Variants in DHTKD1 observed in about 807,000 individuals in gnomAD.
The protein encoded by DHTKD1 is dehydrogenase E1 and transketolase domain containing 1.
A neutral mutation model predicts 101.8 loss-of-function variants in DHTKD1; 78 were observed. That is an observed-to-expected ratio of 0.77 (90% CI 0.64 to 0.93). The LOEUF is 0.93. Among genes scored for constraint, DHTKD1 ranks in the 40% least tolerant of loss-of-function variants. DHTKD1 has a pLI of 0.00. For missense variants in DHTKD1, 1,223 were observed against 1,161.7 expected (o/e 1.05, Z -0.77); for synonymous variants, 462 against 450.3 (o/e 1.03, Z -0.33).
intron 1 of DHTKD1, among the ~76,000 whole-genome samples, chr10:12,079,485 T>C (rs896974070): frequency 4.0e-5 from 6 of 151,816 alleles, no homozygotes; most frequent in African/African-American, 1.5e-4. Context: ...CTGGCCAACA[T>C]AGTGAAACCC....
At chr10:12,106,168 C>T (rs905047661) in intron 10 of DHTKD1, 78 bp from the exon 11 acceptor site, 24 of 1,480,770 alleles carry the variant, frequency 1.6e-5, no homozygotes, top group Non-Finnish European at 2.3e-5. Context: ...GCACCACCTC[C>T]CTTCGATAAG....
At chr10:12,093,462 C>T (rs149540106) in intron 6 of DHTKD1, among the ~76,000 whole-genome samples, 195 of 152,330 alleles carry the variant, frequency 1.3e-3, no homozygotes, top group African/African-American at 4.0e-3. Flanking sequence ...AGATTACAGG[C>T]GTGAACCACT....
Position 12,087,578 on chromosome 10 carries a change from G to C in DHTKD1, c.566G>C (p.Arg189Pro). 2 of 1,612,770 alleles carry C rather than the reference G, an allele frequency of 1.2e-6. No individual in the cohort carries two copies. Among genetic ancestry groups the C allele is most frequent in the South Asian group, 1.1e-5 (1 of 90,866 alleles). ...FLATKFSTVK[R>P]YGGEGAESMM... ...GCCACCAAGTTCTCGACAGTGAAGCGATATGGAGGCGAAGGGGCTGAAAGC... is the reference window on the plus strand; with the variant it reads ...GCCACCAAGTTCTCGACAGTGAAGCCATATGGAGGCGAAGGGGCTGAAAGC... Residue 189 changes from arginine to proline, a missense_variant, in exon 4 of 17, where the codon CGA (arginine) becomes CCA (proline). Transcript: ENST00000263035. This position sits in a 1 kb window ranked among gnomAD's most constrained non-coding sequence, Gnocchi z 5.2.
chr10:12,120,478 C>T (rs113772161), intron 16 of DHTKD1: 5 of 519,666 alleles, frequency 9.6e-6, no homozygotes, highest in Non-Finnish European at 1.7e-5. Context: ...GGACTACAGG[C>T]GCCCGCCACC....
chr10:12,078,318 C>G (rs529476022), intron 1 of DHTKD1, among the ~76,000 whole-genome samples: 1 of 151,752 alleles, frequency 6.6e-6, no homozygotes, highest in Non-Finnish European at 1.5e-5. Flanking sequence ...CCAGCTACTC[C>G]GGAGACTGAG....
At chr10:12,091,010 C>G (rs11257531) in intron 5 of DHTKD1, among the ~76,000 whole-genome samples, 1 of 151,100 alleles carries the variant, frequency 6.6e-6, no homozygotes, top group South Asian at 2.1e-4. Context: ...GCCGAGATTG[C>G]GCCACCGCAC....
At chr10:12,091,971 A>ATTTT (rs754359053) in intron 6 of DHTKD1, among the ~76,000 whole-genome samples, 1 of 134,676 alleles carries the variant, frequency 7.4e-6, no homozygotes, top group Non-Finnish European at 1.6e-5. Flanking sequence ...TGTCTGGCTA[A>ATTTT]TTTTTTTTTT....
intron 10 of DHTKD1, among the ~76,000 whole-genome samples, chr10:12,105,604 G>A (rs117639786): frequency 6.0e-3 from 914 of 152,198 alleles, no homozygotes; most frequent in Non-Finnish European, 0.01. Flanking sequence ...ACCACGCCCG[G>A]CCACAGGTTT....
chr10:12,069,222 C>A, intron 1 of DHTKD1, 35 bp downstream of exon 1: 1 of 1,376,082 alleles, frequency 7.3e-7, no homozygotes, highest in South Asian at 1.3e-5. Context: ...GGAGCGGGGG[C>A]TGGGACGCAG....
Position 12,091,601 on chromosome 10 carries a change from G to A in DHTKD1, c.1076G>A (p.Ser359Asn), listed in dbSNP as rs1832990997. ...CTCCCACATTTCAGAATTGGTGGGA[G>A]TGTGCATTTGATTGTTAATAACCAG... ...SNLPHFRIGG[S>N]VHLIVNNQLG... Residue 359 changes from serine (S) to asparagine (N), a missense_variant, in exon 6 of 17, where the codon AGT becomes AAT. Physicochemically the swap from Ser to Asn is conservative, Grantham distance 46 (BLOSUM62 1). Coordinates refer to ENST00000263035, the MANE Select transcript of DHTKD1 (RefSeq NM_018706.7). The A allele has an allele frequency of 1.2e-6, 2 of 1,613,572 alleles. No homozygotes were observed. The highest frequency in any genetic ancestry group is 4.5e-5 in the East Asian group (2 of 44,876).
chr10:12,076,712 G>A (rs1344080584), intron 1 of DHTKD1, among the ~76,000 whole-genome samples: 2 of 152,064 alleles, frequency 1.3e-5, no homozygotes, highest in Admixed American at 6.6e-5. Flanking sequence ...AGGCTGGAGC[G>A]CGGTGACGCG....
At position 12,096,073 on chromosome 10, in the gene DHTKD1, T is replaced by G. The variant is rs1193553727; in HGVS notation, c.1359-1611T>G. 2.6e-5 allele frequency among the ~76,000 whole-genome samples: 4 copies of G among 152,146 alleles called. No homozygotes were observed. The East Asian group carries it at 7.7e-4, about 29-fold the overall frequency. On this transcript the variant is annotated intron_variant, in intron 7 of 16. Coordinates refer to ENST00000263035, the MANE Select transcript of DHTKD1 (RefSeq NM_018706.7). The stretch of plus-strand genomic sequence containing the variant: ...TTCTTTTTATCTTTTCTAACGTGAC[T>G]GCCAGAAAATTTTAAATTACTCATG...
intron 15 of DHTKD1, among the ~76,000 whole-genome samples, chr10:12,119,573 G>C (rs1229387464): frequency 6.9e-6 from 1 of 145,170 alleles, no homozygotes; most frequent in Non-Finnish European, 1.5e-5. Context: ...CCGAGATTGC[G>C]CTACTGCACT....
At chr10:12,115,039 C>T (rs749513546) in intron 13 of DHTKD1, among the ~76,000 whole-genome samples, 7 of 151,826 alleles carry the variant, frequency 4.6e-5, no homozygotes, top group Non-Finnish European at 7.4e-5. Context: ...TCGTGATCCG[C>T]CCGCCTCGGC....
chr10:12,077,261 C>G (rs1283330689), intron 1 of DHTKD1, among the ~76,000 whole-genome samples: 1 of 149,898 alleles, frequency 6.7e-6, no homozygotes, highest in Non-Finnish European at 1.5e-5. Flanking sequence ...GAGTTTCATG[C>G]TTGTCACCCA....
Position 12,107,869 on chromosome 10 carries a change from G to A in DHTKD1, c.2048-40G>A, listed in dbSNP as rs370232257. On this transcript the variant is annotated intron_variant, in intron 11 of 16. Coordinates refer to ENST00000263035, the MANE Select transcript of DHTKD1 (RefSeq NM_018706.7). The surrounding 1 kb of genome is among the most constrained non-coding windows in gnomAD (Gnocchi z 4.1). ...AGTCGTGTCAGGCCACTTTGTCCCC[G>A]CTTCGTAGAGCTCTTACTCCCCACG... The A allele has an allele frequency of 2.6e-5, 36 of 1,404,914 alleles. No homozygotes were observed. The highest frequency in any genetic ancestry group is 2.5e-4 in the East Asian group (11 of 43,680). 87.0% of individuals were successfully genotyped at this position (1,404,914 alleles called of 1,614,324 possible). A position where few individuals can be genotyped will look rare whatever the true frequency, so the allele number is the denominator to read the frequency against.
At chr10:12,069,481 G>C (rs1832618228) in intron 1 of DHTKD1, among the ~76,000 whole-genome samples, 1 of 150,688 alleles carries the variant, frequency 6.6e-6, no homozygotes, top group Non-Finnish European at 1.5e-5. Context: ...TGTTGGAAAC[G>C]TGTGAGAAAC....
rs1833034217 is a variant in DHTKD1, at chr10:12,094,189, G to T, written c.1276G>T (p.Asp426Tyr). Residue 426 changes from aspartate to tyrosine, a missense_variant, in exon 7 of 17, where the codon GAT (aspartate) becomes TAT (tyrosine). Physicochemically the swap from Asp to Tyr is radical, Grantham distance 160. Transcript: ENST00000263035. ...CCAGTTCCGCAAGGATGTGATTATT[G>T]ATCTGTTGTGCTACAGGCAGTGGGG... is the stretch of plus-strand genomic sequence containing the variant. The part of the protein sequence containing the change: ...QRQFRKDVII[D>Y]LLCYRQWGHN... 1 of 1,614,054 alleles carries T rather than the reference G, an allele frequency of 6.2e-7. No homozygotes were observed. The highest frequency in any genetic ancestry group is 1.3e-5 in the African/African-American group (1 of 74,914).
intron 13 of DHTKD1, among the ~76,000 whole-genome samples, chr10:12,115,042 G>A (rs909031512): frequency 3.3e-5 from 5 of 151,650 alleles, no homozygotes; most frequent in African/African-American, 4.9e-5. Flanking sequence ...TGATCCGCCC[G>A]CCTCGGCCTC....
Sources: allele counts gnomAD v4.1 joint callset (sites outside exome capture counted in the v4.1 genomes callset), GRCh38; gene constraint gnomAD v4.1.1; non-coding constraint Gnocchi (gnomAD v3.1); transcripts MANE v1.5; gene names NCBI Gene and HGNC (gene_info 2026-07-23, HGNC 2026-07-21).